MACROD2: variants seen among roughly 807,000 people sequenced by gnomAD.
The protein encoded by MACROD2 is ADP-ribose glycohydrolase MACROD2.
MACROD2 carries 36 observed loss-of-function variants against 70.4 expected under a neutral mutation model. The observed-to-expected ratio is 0.51, with a 90% CI of 0.39 to 0.68. The LOEUF (loss-of-function observed/expected upper bound fraction) is 0.68. Ranked by LOEUF, MACROD2 falls within the 30% of genes least tolerant of loss-of-function variation. The pLI is 0.00. For missense variants in MACROD2, 496 were observed against 538.4 expected (o/e 0.92, Z 0.78); for synonymous variants, 172 against 178.8 (o/e 0.96, Z 0.30).
chr20:15,930,008 A>G (rs2065550198), intron 10 of MACROD2, among the ~76,000 whole-genome samples: 1 of 152,214 alleles, frequency 6.6e-6, no homozygotes, highest in Non-Finnish European at 1.5e-5. Flanking sequence ...CATGAATGCT[A>G]TGGAAATTTA....
chr20:14,440,789 A>AG (rs1356425824), intron 3 of MACROD2, among the ~76,000 whole-genome samples: 1 of 152,174 alleles, frequency 6.6e-6, no homozygotes, highest in African/African-American at 2.4e-5. Flanking sequence ...GGCCTCCCTT[A>AG]GGTAGCTAGG....
At chr20:14,596,474 A>T (rs1982154437) in intron 4 of MACROD2, among the ~76,000 whole-genome samples, 5 of 150,424 alleles carry the variant, frequency 3.3e-5, no homozygotes, top group Admixed American at 3.3e-4. Flanking sequence ...CTTAACTAAA[A>T]TATTTTTGAG....
At chr20:14,193,082 T>C (rs1318514181) in intron 3 of MACROD2, among the ~76,000 whole-genome samples, 1 of 152,210 alleles carries the variant, frequency 6.6e-6, no homozygotes, top group Non-Finnish European at 1.5e-5. Flanking sequence ...TACAAATATC[T>C]TATCTTCAAT....
intron 3 of MACROD2, among the ~76,000 whole-genome samples, chr20:14,173,688 A>C (rs188850318): frequency 2.0e-5 from 3 of 152,220 alleles, no homozygotes; most frequent in African/African-American, 7.2e-5. Context: ...AGTGTTAAAG[A>C]ACCTTGTTTT....
chr20:15,714,123 C>T (rs12481330), intron 8 of MACROD2, among the ~76,000 whole-genome samples: 16,721 of 152,042 alleles, frequency 0.11, 1,592 homozygotes, highest in African/African-American at 0.25. Flanking sequence ...TAACTATGCA[C>T]ATTAAAAATA....
intron 3 of MACROD2, among the ~76,000 whole-genome samples, chr20:14,344,883 G>A (rs1055500745): frequency 6.6e-6 from 1 of 152,180 alleles, no homozygotes; most frequent in Non-Finnish European, 1.5e-5. Flanking sequence ...AGCTTTGGAT[G>A]TAACCCCTCT....
intron 6 of MACROD2, among the ~76,000 whole-genome samples, chr20:15,423,011 A>G (rs1277030591): frequency 6.6e-6 from 1 of 152,152 alleles, no homozygotes; most frequent in Non-Finnish European, 1.5e-5. Flanking sequence ...AAGCAATTTT[A>G]TTTTCAAAGG....
At chr20:14,342,229 C>A (rs570837471) in intron 3 of MACROD2, among the ~76,000 whole-genome samples, 3 of 152,258 alleles carry the variant, frequency 2.0e-5, no homozygotes, top group African/African-American at 7.2e-5. Context: ...ATGGGGTACT[C>A]TTAGGTTGAG....
intron 13 of MACROD2, among the ~76,000 whole-genome samples, chr20:15,982,532 G>C (rs542463441): frequency 2.0e-3 from 308 of 152,186 alleles, no homozygotes; most frequent in Non-Finnish European, 3.2e-3. Flanking sequence ...ACTTTGCAGG[G>C]GTGGGTGAAG....
chr20:15,397,277 TC>T (rs2045872126), intron 6 of MACROD2, among the ~76,000 whole-genome samples: 1 of 152,148 alleles, frequency 6.6e-6, no homozygotes, highest in Non-Finnish European at 1.5e-5. Context: ...TCTTGCTTTT[TC>T]TTTTTCTTTT....
At chr20:15,841,701 G>A (rs1191296110) in intron 8 of MACROD2, among the ~76,000 whole-genome samples, 1 of 152,120 alleles carries the variant, frequency 6.6e-6, no homozygotes, top group Non-Finnish European at 1.5e-5. Flanking sequence ...TGCAATGTAA[G>A]ATGTAGGTAG....
At chr20:15,571,560 A>G (rs1387742857) in intron 8 of MACROD2, among the ~76,000 whole-genome samples, 1 of 152,114 alleles carries the variant, frequency 6.6e-6, no homozygotes, top group Non-Finnish European at 1.5e-5. Context: ...TAAACCAGAT[A>G]TTGAGACATT....
intron 3 of MACROD2, among the ~76,000 whole-genome samples, chr20:14,104,774 T>C (rs1487519134): frequency 1.3e-5 from 2 of 152,174 alleles, no homozygotes; most frequent in South Asian, 2.1e-4. Flanking sequence ...ACTGAGCCAA[T>C]TAAACTGAGA....
intron 8 of MACROD2, among the ~76,000 whole-genome samples, chr20:15,772,906 A>T (rs8122195): frequency 0.034 from 5,215 of 152,234 alleles, 323 homozygotes; most frequent in African/African-American, 0.12. Context: ...GGAAAAAAAA[A>T]TCAGATCTTG....
At chr20:14,588,088 A>G (rs570879377) in intron 4 of MACROD2, among the ~76,000 whole-genome samples, 15 of 152,238 alleles carry the variant, frequency 9.9e-5, no homozygotes, top group African/African-American at 3.6e-4. Flanking sequence ...TTATCTATGT[A>G]TATGTTTAGG....
intron 13 of MACROD2, among the ~76,000 whole-genome samples, chr20:15,968,679 CAG>C (rs957755973): frequency 1.3e-5 from 2 of 150,728 alleles, no homozygotes; most frequent in Non-Finnish European, 3.0e-5. Flanking sequence ...AGAAAAAAGA[CAG>C]ACTAGCTTTC....
intron 17 of MACROD2, among the ~76,000 whole-genome samples, chr20:16,048,572 A>G (rs1485611426): frequency 6.6e-6 from 1 of 152,052 alleles, no homozygotes; most frequent in East Asian, 1.9e-4. Context: ...TTGGACTGAG[A>G]TTACTGAAAA....
chr20:14,423,426 G>T (rs1312491378), intron 3 of MACROD2, among the ~76,000 whole-genome samples: 3 of 151,760 alleles, frequency 2.0e-5, no homozygotes, highest in Non-Finnish European at 4.4e-5. Flanking sequence ...GCGGCCTGGA[G>T]CGGTGGCTCA....
chr20:14,536,977 G>A (rs1004337953), intron 4 of MACROD2, among the ~76,000 whole-genome samples: 31 of 152,136 alleles, frequency 2.0e-4, no homozygotes, highest in African/African-American at 6.8e-4. Context: ...GCAAGTGCCT[G>A]TCTTTGTGAC....
Sources: gnomAD v4.1 joint callset for allele counts (sites outside exome capture counted in the v4.1 genomes callset) on GRCh38, gnomAD v4.1.1 for gene constraint, MANE v1.5 for transcripts, NCBI Gene and HGNC (gene_info 2026-07-23, HGNC 2026-07-21) for gene names.